Variants in ST6GALNAC3 observed in about 807,000 individuals in gnomAD.
The protein encoded by ST6GALNAC3 is ST6 N-acetylgalactosaminide alpha-2,6-sialyltransferase 3.
In ST6GALNAC3, 25 loss-of-function variants were observed where a neutral mutation model predicts 32.7. That is an observed-to-expected ratio of 0.76 (90% CI 0.56 to 1.07). The LOEUF (loss-of-function observed/expected upper bound fraction) is 1.07. ST6GALNAC3 is among the 50% of genes least tolerant of loss of function. The pLI is 0.00. For missense variants in ST6GALNAC3, 355 were observed against 382.4 expected (o/e 0.93, Z 0.60); for synonymous variants, 129 against 133.1 (o/e 0.97, Z 0.21).
rs193087387 is a variant in ST6GALNAC3, at chr1:76,628,003, A to G, written c.731+444A>G. On this transcript the variant is annotated intron_variant, in intron 4 of 4. Transcript: ENST00000328299. ...AGCTTAACAAGAATTCCTGGAAATT[A>G]TACTTCACTAGTAAGTGAGTAATCT... Among the ~76,000 whole-genome samples the G allele has an allele frequency of 6.0e-4, 92 of 152,096 alleles. 1 individual carries two copies. Among genetic ancestry groups the G allele is most frequent in the African/African-American group, 2.0e-3 (85 of 41,548 alleles).
At chr1:76,253,960 A>G (rs1302711728) in intron 1 of ST6GALNAC3, among the ~76,000 whole-genome samples, 1 of 152,194 alleles carries the variant, frequency 6.6e-6, no homozygotes, top group Non-Finnish European at 1.5e-5. Context: ...GCCAATCAGC[A>G]GTGAAGAGGG....
chr1:76,538,358 T>C (rs559691913), intron 3 of ST6GALNAC3, among the ~76,000 whole-genome samples: 1 of 152,258 alleles, frequency 6.6e-6, no homozygotes, highest in South Asian at 2.1e-4. Context: ...TAGGTATTGA[T>C]GGAACATATC....
At chr1:76,184,616 A>G (rs759808220) in intron 1 of ST6GALNAC3, among the ~76,000 whole-genome samples, 5 of 151,902 alleles carry the variant, frequency 3.3e-5, no homozygotes, top group African/African-American at 4.8e-5. Flanking sequence ...GCCCGGGACT[A>G]AAAATGGCAG....
chr1:76,290,345 A>T (rs973569085), intron 1 of ST6GALNAC3, among the ~76,000 whole-genome samples: 20 of 152,196 alleles, frequency 1.3e-4, no homozygotes, highest in African/African-American at 4.6e-4. Flanking sequence ...TTTTAAAATC[A>T]TAATATGTCT....
intron 3 of ST6GALNAC3, among the ~76,000 whole-genome samples, chr1:76,473,264 C>T (rs905653245): frequency 6.6e-6 from 1 of 151,930 alleles, no homozygotes; most frequent in African/African-American, 2.4e-5. Flanking sequence ...TCCTAGAGAC[C>T]CGATGACACT....
At chr1:76,106,383 A>G (rs1647532667) in intron 1 of ST6GALNAC3, among the ~76,000 whole-genome samples, 2 of 152,198 alleles carry the variant, frequency 1.3e-5, no homozygotes, top group Non-Finnish European at 2.9e-5. Context: ...GACAGAAGAG[A>G]GTTTTGATAA....
At chr1:76,403,640 T>A (rs11577449) in intron 2 of ST6GALNAC3, among the ~76,000 whole-genome samples, 13,716 of 152,162 alleles carry the variant, frequency 0.09, 774 homozygotes, top group Middle Eastern at 0.21. Flanking sequence ...TCCTGGTCAT[T>A]GTAATGTATA....
chr1:76,089,340 C>G (rs1336466804), intron 1 of ST6GALNAC3, among the ~76,000 whole-genome samples: 3 of 152,136 alleles, frequency 2.0e-5, no homozygotes, highest in Admixed American at 2.0e-4. Context: ...CATAAGCCAC[C>G]GCACCCGGCC....
At chr1:76,278,223 C>CTTTTTTTTTTTTTTTTTTTTTTT (rs568694243) in intron 1 of ST6GALNAC3, among the ~76,000 whole-genome samples, 2 of 113,774 alleles carry the variant, frequency 1.8e-5, no homozygotes, top group East Asian at 6.5e-4. Flanking sequence ...GCTAGGCATT[C>CTTTTTTTTTTTTTTTTTTTTTTT]TTTTTTTTTT....
At chr1:76,361,390 T>C (rs1649921538) in intron 2 of ST6GALNAC3, among the ~76,000 whole-genome samples, 2 of 152,184 alleles carry the variant, frequency 1.3e-5, no homozygotes, top group South Asian at 4.1e-4. Context: ...TCATTCATGT[T>C]GTAGCATGTG....
At chr1:76,244,053 A>T (rs1657118141) in intron 1 of ST6GALNAC3, among the ~76,000 whole-genome samples, 1 of 152,060 alleles carries the variant, frequency 6.6e-6, no homozygotes. Flanking sequence ...GGCCATTTTC[A>T]CAATATTGAT....
chr1:76,086,835 C>A (rs1482549213), intron 1 of ST6GALNAC3, among the ~76,000 whole-genome samples: 2 of 152,146 alleles, frequency 1.3e-5, no homozygotes, highest in Admixed American at 1.3e-4. Flanking sequence ...CACACCTTTG[C>A]CATGGCCTGG....
At chr1:76,307,171 T>C (rs543216491) in intron 1 of ST6GALNAC3, among the ~76,000 whole-genome samples, 1 of 152,242 alleles carries the variant, frequency 6.6e-6, no homozygotes, top group East Asian at 1.9e-4. Flanking sequence ...GTTCTGATTA[T>C]GAGAACATGG....
intron 2 of ST6GALNAC3, among the ~76,000 whole-genome samples, chr1:76,389,585 C>A (rs1406051831): frequency 6.6e-6 from 1 of 152,194 alleles, no homozygotes; most frequent in African/African-American, 2.4e-5. Context: ...AGCTTAAAAT[C>A]TGCACGTTTA....
intron 2 of ST6GALNAC3, among the ~76,000 whole-genome samples, chr1:76,377,362 T>C (rs1651318548): frequency 6.6e-6 from 1 of 152,136 alleles, no homozygotes; most frequent in African/African-American, 2.4e-5. Context: ...AATTGACTAA[T>C]GGTTCCACAG....
intron 3 of ST6GALNAC3, among the ~76,000 whole-genome samples, chr1:76,528,512 T>C (rs2101813757): frequency 6.6e-6 from 1 of 152,304 alleles, no homozygotes; most frequent in African/African-American, 2.4e-5. Flanking sequence ...AGAAAGAAGA[T>C]TCTTTACTAA....
At chr1:76,490,071 C>T (rs1008450549) in intron 3 of ST6GALNAC3, among the ~76,000 whole-genome samples, 16 of 152,106 alleles carry the variant, frequency 1.1e-4, no homozygotes, top group African/African-American at 3.9e-4. Flanking sequence ...ACATTTACAT[C>T]CCTGCCCCGA....
chr1:76,460,474 A>C (rs1283751805), intron 3 of ST6GALNAC3, among the ~76,000 whole-genome samples: 2 of 152,138 alleles, frequency 1.3e-5, no homozygotes, highest in East Asian at 3.9e-4. Context: ...AGGGTCCCTT[A>C]CCCTTTCTTT....
Position 76,630,414 on chromosome 1 carries a change from C to T in ST6GALNAC3, c.*1608C>T. The T allele has an allele frequency of 1.0e-6, 1 of 985,110 alleles. No homozygotes were observed. The highest frequency in any genetic ancestry group is 1.2e-6 in the Non-Finnish European group (1 of 829,790). 61.0% of individuals were successfully genotyped at this position (985,110 alleles called of 1,614,324 possible). On this transcript the variant is annotated 3_prime_UTR_variant, in exon 5 of 5. Transcript: ENST00000328299. ...AATGAAGGCAGAGAAATATAGTTTC[C>T]TTTCCTAGGATTGAGACAATTCTAT...
Sources: gnomAD v4.1 joint callset for allele counts (sites outside exome capture counted in the v4.1 genomes callset) on GRCh38, gnomAD v4.1.1 for gene constraint, MANE v1.5 for transcripts, NCBI Gene and HGNC (gene_info 2026-07-23, HGNC 2026-07-21) for gene names.